NAALADL2: variants seen among roughly 807,000 people sequenced by gnomAD.
The protein encoded by NAALADL2 is N-acetylated alpha-linked acidic dipeptidase like 2, also known as inactive N-acetylated-alpha-linked acidic dipeptidase-like protein 2.
A neutral mutation model predicts 87.2 loss-of-function variants in NAALADL2; 76 were observed. The observed-to-expected ratio is 0.87, with a 90% CI of 0.72 to 1.05. The LOEUF is 1.05. Among genes scored for constraint, NAALADL2 ranks in the 50% least tolerant of loss-of-function variants. The pLI is 0.00. For missense variants in NAALADL2, 1,089 were observed against 945.8 expected (o/e 1.15, Z -1.99); for synonymous variants, 354 against 331.0 (o/e 1.07, Z -0.75).
intron 9 of NAALADL2, among the ~76,000 whole-genome samples, chr3:175,486,676 G>C (rs1727315561): frequency 6.6e-6 from 1 of 152,060 alleles, no homozygotes; most frequent in Admixed American, 6.6e-5. Flanking sequence ...ATTTCTCTTG[G>C]AGGCTGATTT....
chr3:174,539,543 T>G (rs1489604568), intron 1 of NAALADL2, among the ~76,000 whole-genome samples: 1 of 152,180 alleles, frequency 6.6e-6, no homozygotes, highest in Non-Finnish European at 1.5e-5. Flanking sequence ...TGACCTGCCT[T>G]TCTGGCGTTA....
chr3:175,600,719 A>G (rs1722865621), intron 10 of NAALADL2, among the ~76,000 whole-genome samples: 1 of 150,954 alleles, frequency 6.6e-6, no homozygotes, highest in Non-Finnish European at 1.5e-5. Flanking sequence ...TTGTATTTTT[A>G]GTAGAGACGG....
At chr3:174,481,646 A>G (rs2108330665) in intron 1 of NAALADL2, among the ~76,000 whole-genome samples, 3 of 152,230 alleles carry the variant, frequency 2.0e-5, no homozygotes, top group Admixed American at 2.0e-4. Context: ...ATATAGTTGT[A>G]TTCATGGCTA....
At chr3:175,569,999 T>G (rs1438575245) in intron 9 of NAALADL2, among the ~76,000 whole-genome samples, 1 of 152,114 alleles carries the variant, frequency 6.6e-6, no homozygotes, top group African/African-American at 2.4e-5. Flanking sequence ...AGCCCAGAGA[T>G]CTGCGGTTGG....
chr3:175,193,562 C>G (rs1306830024), intron 2 of NAALADL2, among the ~76,000 whole-genome samples: 1 of 151,818 alleles, frequency 6.6e-6, no homozygotes, highest in Admixed American at 6.6e-5. Context: ...TCACCTTTTT[C>G]TCTCTTCTCT....
chr3:175,456,502 C>T (rs1232216231), intron 6 of NAALADL2, among the ~76,000 whole-genome samples: 8 of 152,006 alleles, frequency 5.3e-5, no homozygotes, highest in African/African-American at 2.4e-5. Context: ...GAATAATTAA[C>T]TGCCCCTAAA....
At chr3:174,656,141 T>C (rs1724896663) in intron 2 of NAALADL2, among the ~76,000 whole-genome samples, 1 of 152,192 alleles carries the variant, frequency 6.6e-6, no homozygotes, top group Non-Finnish European at 1.5e-5. Context: ...TTTATATCAA[T>C]GGAGCAAATA....
chr3:175,286,644 A>C (rs1386340908), intron 4 of NAALADL2, among the ~76,000 whole-genome samples: 1 of 152,166 alleles, frequency 6.6e-6, no homozygotes, highest in African/African-American at 2.4e-5. Context: ...TTGTTTCTGT[A>C]ATAAGGCCAT....
intron 2 of NAALADL2, among the ~76,000 whole-genome samples, chr3:174,733,890 G>T (rs988474511): frequency 2.6e-5 from 4 of 152,194 alleles, no homozygotes; most frequent in Non-Finnish European, 5.9e-5. Context: ...CTTTCTGGAT[G>T]TGGTGATCTG....
intron 9 of NAALADL2, among the ~76,000 whole-genome samples, chr3:175,565,385 T>C (rs1716939512): frequency 6.6e-6 from 1 of 152,206 alleles, no homozygotes; most frequent in African/African-American, 2.4e-5. Flanking sequence ...TGATAATACA[T>C]TGATACTTTC....
chr3:175,552,001 T>C (rs568006168), intron 9 of NAALADL2, among the ~76,000 whole-genome samples: 1 of 152,112 alleles, frequency 6.6e-6, no homozygotes, highest in Non-Finnish European at 1.5e-5. Context: ...AGAAATTTAA[T>C]GTCAATGTAT....
intron 12 of NAALADL2, among the ~76,000 whole-genome samples, chr3:175,745,024 T>C (rs1249321179): frequency 6.6e-6 from 1 of 152,024 alleles, no homozygotes; most frequent in African/African-American, 2.4e-5. Flanking sequence ...ACAGTATAAA[T>C]ATGAAGGTCT....
At chr3:175,466,055 G>T (rs1723969592) in intron 7 of NAALADL2, among the ~76,000 whole-genome samples, 1 of 152,166 alleles carries the variant, frequency 6.6e-6, no homozygotes, top group Non-Finnish European at 1.5e-5. Flanking sequence ...GTTGAAATAA[G>T]CTTTCCAAGG....
At chr3:175,161,943 A>T (rs1215346929) in intron 2 of NAALADL2, among the ~76,000 whole-genome samples, 1 of 152,090 alleles carries the variant, frequency 6.6e-6, no homozygotes, top group African/African-American at 2.4e-5. Flanking sequence ...ACATTTTAAC[A>T]ATTTTTTTAC....
At position 175,806,707 on chromosome 3, in the gene NAALADL2, T is replaced by C. The variant is rs1754738591; in HGVS notation, c.*3504T>C. On this transcript the variant is annotated 3_prime_UTR_variant, in exon 14 of 14. Transcript: ENST00000454872. ...CATGTATCCTTTTTTTTTTTTTTTT[T>C]TTTTTTTAATTCCCACAACAACCCA... The C allele has an allele frequency of 6.7e-6, 1 of 148,160 alleles. No homozygotes were observed. Among genetic ancestry groups the C allele is most frequent in the Non-Finnish European group, 1.5e-5 (1 of 66,810 alleles). 9.2% of individuals were successfully genotyped at this position (148,160 alleles called of 1,614,324 possible). A position where few individuals can be genotyped will look rare whatever the true frequency, so the allele number is the denominator to read the frequency against.
intron 3 of NAALADL2, among the ~76,000 whole-genome samples, chr3:174,817,787 C>G (rs1720963295): frequency 6.6e-6 from 1 of 151,950 alleles, no homozygotes; most frequent in Non-Finnish European, 1.5e-5. Context: ...TCTTATAAAC[C>G]CTCAGTTTGC....
At chr3:175,133,494 C>T (rs9831820) in intron 2 of NAALADL2, among the ~76,000 whole-genome samples, 10,928 of 152,288 alleles carry the variant, frequency 0.072, 815 homozygotes, top group African/African-American at 0.19. Flanking sequence ...CCGAGGCTGG[C>T]GGATCACTCG....
intron 2 of NAALADL2, among the ~76,000 whole-genome samples, chr3:175,117,118 G>A (rs1725365807): frequency 6.6e-6 from 1 of 152,018 alleles, no homozygotes; most frequent in Admixed American, 6.6e-5. Context: ...AATTCAAGAT[G>A]AACTAAAGAC....
chr3:175,155,720 A>G (rs1203467434), intron 2 of NAALADL2, among the ~76,000 whole-genome samples: 1 of 152,168 alleles, frequency 6.6e-6, no homozygotes, highest in Non-Finnish European at 1.5e-5. Context: ...ATATGTAGCC[A>G]GTGTTCCCCA....
Sources: gnomAD v4.1 joint callset for allele counts (sites outside exome capture counted in the v4.1 genomes callset) on GRCh38, gnomAD v4.1.1 for gene constraint, MANE v1.5 for transcripts, NCBI Gene and HGNC (gene_info 2026-07-23, HGNC 2026-07-21) for gene names.